PCK1: variants seen among roughly 807,000 people sequenced by gnomAD.
The protein encoded by PCK1 is phosphoenolpyruvate carboxykinase 1.
Under a neutral mutation model 50.3 loss-of-function variants are expected in PCK1, and 44 were observed. The observed-to-expected ratio is 0.87, with a 90% CI of 0.69 to 1.12. The LOEUF (loss-of-function observed/expected upper bound fraction) is 1.12. Among genes scored for constraint, PCK1 ranks in the 50% most tolerant of loss-of-function variants. The pLI is 0.00. For synonymous variants in PCK1, 332 were observed against 314.3 expected (o/e 1.06, Z -0.59); for missense variants, 790 against 815.0 (o/e 0.97, Z 0.37).
Position 57,562,163 on chromosome 20 carries a change from C to T in PCK1, c.317C>T (p.Pro106Leu), listed in dbSNP as rs1383834419. The T allele has an allele frequency of 9.3e-6, 15 of 1,614,014 alleles. No individual in the cohort carries two copies. The highest frequency in any genetic ancestry group is 1.6e-4 in the Middle Eastern group (1 of 6,084). Residue 106 changes from proline to leucine, a missense_variant, in exon 3 of 10, where the codon CCC becomes CTC. By Grantham distance (98) the Pro-to-Leu change is moderately conservative (BLOSUM62 -3). Coordinates refer to ENST00000319441, the MANE Select transcript of PCK1 (RefSeq NM_002591.4). ...GAGCAAAGAGACACAGTGCCCATCC[C>T]CAAAACAGGCCTCAGCCAGCTCGGT... ...TQEQRDTVPI[P>L]KTGLSQLGRW...
Position 57,565,082 on chromosome 20 carries a change from T to A in PCK1, c.1361T>A (p.Val454Asp). 6.2e-7 allele frequency: 1 copy of A among 1,613,338 alleles called. No homozygotes were observed. ...VYEALSWQHGVFVGAAMRSEA... is the reference protein window; with the variant it reads ...VYEALSWQHGDFVGAAMRSEA... ...GAAGCTCTCAGCTGGCAACATGGAG[T>A]CTTTGTGGGGGCGGCCATGAGATCA... Residue 454 changes from valine to aspartate, a missense_variant, in exon 9 of 10, where the codon GTC becomes GAC. Physicochemically the swap from Val to Asp is radical, Grantham distance 152. Transcript: ENST00000319441.
intron 7 of PCK1, 42 bp downstream of exon 7, chr20:57,564,435 AC>A: frequency 1.2e-6 from 2 of 1,614,006 alleles, no homozygotes; most frequent in African/African-American, 2.7e-5. Flanking sequence ...GGCTGCAGGG[AC>A]TGCCTGTTTG....
In PCK1 at chr20:57,564,558, G is replaced by A. The variant is rs950711590; in HGVS notation, c.1263G>A (p.Glu421=). 6.2e-7 allele frequency: 1 copy of A among 1,613,464 alleles called. No individual in the cohort carries two copies. The highest frequency in any genetic ancestry group is 1.3e-5 in the African/African-American group (1 of 74,926). Residue 421 remains glutamate, a synonymous_variant, in exon 8 of 10, where the codon GAG becomes GAA. Coordinates refer to ENST00000319441, the MANE Select transcript of PCK1 (RefSeq NM_002591.4). ...SQCPIIDAAW[E]SPEGVPIEGI... is the part of the protein sequence containing the mutation. ...GCCCCATCATTGATGCTGCCTGGGAGTCTCCGGAAGGTGTTCCCATTGAAG... is the reference window on the plus strand; with the variant it reads ...GCCCCATCATTGATGCTGCCTGGGAATCTCCGGAAGGTGTTCCCATTGAAG...
rs753047154 is a variant in PCK1, at chr20:57,565,737, A to G, written c.1802A>G (p.Asn601Ser). The G allele has an allele frequency of 1.2e-6, 2 of 1,613,748 alleles. No homozygotes were observed. The highest frequency in any genetic ancestry group is 1.7e-6 in the Non-Finnish European group (2 of 1,180,014). Residue 601 changes from asparagine (N) to serine (S), a missense_variant, in exon 10 of 10, where the codon AAT (asparagine) becomes AGT (serine). Physicochemically the swap from Asn to Ser is conservative, Grantham distance 46. Transcript: ENST00000319441. Reference sequence around the variant, plus strand: ...GAGAAGTATCTGGAGGATCAAGTCAATGCCGACCTCCCCTGTGAAATCGAG... The same window carrying G: ...GAGAAGTATCTGGAGGATCAAGTCAGTGCCGACCTCCCCTGTGAAATCGAG... ...DIEKYLEDQV[N>S]ADLPCEIERE...
In PCK1 at chr20:57,563,031, C is replaced by T. The variant is rs774094154; in HGVS notation, c.614C>T (p.Pro205Leu). The change falls in exon 5 of 10, where the codon CCT (proline) becomes CTT (leucine). Residue 205 changes from proline to leucine, a missense_variant. Transcript: ENST00000319441. ...SVGCPLPLQK[P>L]LVNNWPCNPE... is the part of the protein sequence containing the mutation. ...TGGGAGGGGTCCTTGTTCACAGAGC[C>T]TTTGGTCAACAACTGGCCCTGCAAC... 3 of 1,613,028 alleles carry T rather than the reference C, an allele frequency of 1.9e-6. No individual in the cohort carries two copies. The highest frequency in any genetic ancestry group is 3.3e-5 in the Admixed American group (2 of 60,006).
rs1294175849 is a variant in PCK1, at chr20:57,565,467, T to A, written c.1532T>A (p.Ile511Asn). 1 of 1,614,170 alleles carries A rather than the reference T, an allele frequency of 6.2e-7. No homozygotes were observed. Among genetic ancestry groups the A allele is most frequent in the South Asian group, 1.1e-5 (1 of 91,078 alleles). ...CACCCAGCAGCCAAACTGCCCAAGA[T>A]CTTCCATGTCAACTGGTTCCGGAAG... ...AQHPAAKLPK[I>N]FHVNWFRKDK... The change falls in exon 10 of 10, where the codon ATC becomes AAC. Residue 511 changes from isoleucine to asparagine, a missense_variant. Ile to Asn is a moderately radical substitution (Grantham distance 149, BLOSUM62 -3). Transcript: ENST00000319441.
intron 8 of PCK1, 74 bp downstream of exon 8, chr20:57,564,687 T>C: frequency 7.4e-7 from 1 of 1,350,330 alleles, no homozygotes; most frequent in South Asian, 1.4e-5. Context: ...AATCTCTCCT[T>C]TTCCATGACC....
rs1275977413 is a variant in PCK1 at position 57,567,103 on chromosome 20, T to C, written c.*1299T>C. On this transcript the variant is annotated 3_prime_UTR_variant, in exon 10 of 10. Transcript: ENST00000319441. Reference sequence around the variant, plus strand: ...ATTCCAGAACAGTCCAAACGAACCATAAACTTTATATCACAGATTCAATCT... The same window carrying C: ...ATTCCAGAACAGTCCAAACGAACCACAAACTTTATATCACAGATTCAATCT... The C allele has an allele frequency of 6.6e-6, 1 of 152,214 alleles. No individual in the cohort carries two copies. The highest frequency in any genetic ancestry group is 2.4e-5 in the African/African-American group (1 of 41,432). The allele number at this position is 152,214 out of a possible 1,614,324, so 9.4% of individuals were successfully genotyped here.
chr20:57,561,688 GCGTCTC>G, intron 2 of PCK1, 53 bp downstream of exon 2: 1 of 1,258,540 alleles, frequency 7.9e-7, no homozygotes, highest in Non-Finnish European at 1.2e-6. Context: ...GGGCTCCCCT[GCGTCTC>G]CTGGGAGTTG....
rs956824455 is a variant in PCK1, at chr20:57,563,232, C to T, written c.798+17C>T. On this transcript the variant is annotated intron_variant, in intron 5 of 9. Coordinates refer to ENST00000319441, the MANE Select transcript of PCK1 (RefSeq NM_002591.4). ...CACATGCTGGTGAGCCTGCAGGAAG[C>T]CCTGATGTGCAGATGAGAGGCCTGG... 8 of 1,610,930 alleles carry T rather than the reference C, an allele frequency of 5.0e-6. No homozygotes were observed. The Admixed American group carries it at 1.0e-4, about 20-fold the overall frequency.
At chr20:57,564,007 A>T (rs2070178225) in intron 6 of PCK1, 162 bp from the exon 7 acceptor site, 1 of 633,916 alleles carries the variant, frequency 1.6e-6, no homozygotes, top group African/African-American at 1.8e-5. Context: ...TAAACGTATC[A>T]AAGTTGCATA....
intron 1 of PCK1, 36 bp downstream of exon 1, chr20:57,561,239 A>G: frequency 1.8e-6 from 1 of 551,418 alleles, no homozygotes; most frequent in Non-Finnish European, 3.2e-6. Context: ...TTGAAAAATT[A>G]CAAAGATGAA....
At chr20:57,563,257 G>A (rs2070169767) in intron 5 of PCK1, 42 bp downstream of exon 5, 2 of 1,574,066 alleles carry the variant, frequency 1.3e-6, no homozygotes, top group Non-Finnish European at 8.7e-7. Flanking sequence ...GAGAGGCCTG[G>A]GGGGTGGCAG....
chr20:57,562,372 C>A, intron 3 of PCK1, 120 bp downstream of exon 3: 1 of 840,678 alleles, frequency 1.2e-6, no homozygotes, highest in Non-Finnish European at 1.8e-6. Flanking sequence ...TCTTTCAGTT[C>A]CATACATGAA....
rs1256902604 is a variant in PCK1, at chr20:57,565,623, C to A, written c.1688C>A (p.Ala563Asp). ...ATAGGCTACATCCCCAAGGAGGATG[C>A]CCTGAACCTGAAAGGCCTGGGGCAC... ...TPIGYIPKED[A>D]LNLKGLGHIN... The change falls in exon 10 of 10, where the codon GCC (alanine) becomes GAC (aspartate). Residue 563 changes from alanine to aspartate, a missense_variant. Ala to Asp is a moderately radical substitution (Grantham distance 126). Coordinates refer to ENST00000319441, the MANE Select transcript of PCK1 (RefSeq NM_002591.4). The A allele has an allele frequency of 8.7e-6, 14 of 1,614,162 alleles. 1 individual carries two copies. Among genetic ancestry groups the A allele is most frequent in the Non-Finnish European group, 1.1e-5 (13 of 1,180,020 alleles).
rs959008881 is a variant in PCK1 at position 57,566,083 on chromosome 20, CT to C, written c.*283del. Reference sequence around the variant, plus strand: ...AATTTAAGGTTACTCAGGCATTGATCTTTTCAGTGTTTTTTCACTTTAGCTA... The same window carrying C: ...AATTTAAGGTTACTCAGGCATTGATCTTTCAGTGTTTTTTCACTTTAGCTA... On this transcript the variant is annotated 3_prime_UTR_variant, in exon 10 of 10. Coordinates refer to ENST00000319441, the MANE Select transcript of PCK1 (RefSeq NM_002591.4). 22 of 387,516 alleles carry C rather than the reference CT, an allele frequency of 5.7e-5. No homozygotes were observed. The highest frequency in any genetic ancestry group is 4.5e-4 in the African/African-American group (22 of 49,152). 24.0% of individuals were successfully genotyped at this position (387,516 alleles called of 1,614,324 possible).
In PCK1 at chr20:57,562,907, T is replaced by C. The variant is rs1217525290; in HGVS notation, c.610+8T>C. ...GCCCTCTGCCTTTACAAAGTAAGTG[T>C]ATTATTTCAGAATCAAAAGTCAAAA... On this transcript the variant is annotated splice_region_variant and intron_variant, in intron 4 of 9. Transcript: ENST00000319441. The C allele has an allele frequency of 6.3e-7, 1 of 1,599,112 alleles. No homozygotes were observed. The highest frequency in any genetic ancestry group is 1.7e-5 in the Admixed American group (1 of 59,784).
At position 57,563,092 on chromosome 20, in the gene PCK1, C is replaced by T; in HGVS notation, c.675C>T (p.Arg225=). ...CGCTCATCGCCCACCTGCCTGACCG[C>T]AGAGAGATCATCTCCTTTGGCAGTG... ...ELTLIAHLPD[R]REIISFGSGY... is the part of the protein sequence containing the mutation. The change falls in exon 5 of 10, where the codon CGC becomes CGT. Residue 225 remains arginine (R), a synonymous_variant. Coordinates refer to ENST00000319441, the MANE Select transcript of PCK1 (RefSeq NM_002591.4). The T allele has an allele frequency of 6.2e-7, 1 of 1,614,144 alleles. No individual in the cohort carries two copies. The highest frequency in any genetic ancestry group is 8.5e-7 in the Non-Finnish European group (1 of 1,180,010).
rs376853374 is a variant in PCK1, at chr20:57,564,434, G to A, written c.1186+41G>A. 3 of 1,613,984 alleles carry A rather than the reference G, an allele frequency of 1.9e-6. No individual in the cohort carries two copies. The African/African-American group carries it at 4.0e-5, about 22-fold the overall frequency. Reference sequence around the variant, plus strand: ...AGGCCTTGGTGTGCCGGGCTGCAGGGACTGCCTGTTTGAGCCAGGCACTCA... The same window carrying A: ...AGGCCTTGGTGTGCCGGGCTGCAGGAACTGCCTGTTTGAGCCAGGCACTCA... On this transcript the variant is annotated intron_variant, in intron 7 of 9. Coordinates refer to ENST00000319441, the MANE Select transcript of PCK1 (RefSeq NM_002591.4).
Sources: gnomAD v4.1 joint callset for allele counts on GRCh38, gnomAD v4.1.1 for gene constraint, MANE v1.5 for transcripts, NCBI Gene and HGNC (gene_info 2026-07-23, HGNC 2026-07-21) for gene names.